Variants in GPHN observed in about 807,000 individuals in gnomAD.
GPHN encodes the protein gephyrin.
Under a neutral mutation model 95.5 loss-of-function variants are expected in GPHN, and 17 were observed. The observed-to-expected ratio is 0.18, with a 90% CI of 0.12 to 0.27. GPHN has a LOEUF of 0.27. GPHN is among the 10% of genes least tolerant of loss of function. The pLI is 1.00. For missense variants in GPHN, 660 were observed against 978.1 expected, an observed-to-expected ratio of 0.67 and a Z score of 4.34; for synonymous variants, 320 against 322.5, an observed-to-expected ratio of 0.99 and a Z score of 0.08.
chr14:66,681,609 G>T (rs1192619988), intron 2 of GPHN, among the ~76,000 whole-genome samples: 5 of 152,012 alleles, frequency 3.3e-5, no homozygotes, highest in Non-Finnish European at 7.4e-5. Flanking sequence ...ATTTGAATAT[G>T]TTAGATATAT....
intron 2 of GPHN, among the ~76,000 whole-genome samples, chr14:66,728,808 T>G (rs564020922): frequency 6.6e-6 from 1 of 152,310 alleles, no homozygotes; most frequent in Non-Finnish European, 1.5e-5. Context: ...TGAAGTGAGT[T>G]AAGACTTTGG....
chr14:66,653,587 T>G lies in GPHN; in HGVS notation c.65-27520T>G, dbSNP rs376963026. Reference sequence around the variant, plus strand: ...CCTATTTGTAAAATACCCACTTCCCTTTCCCCATCTCCCACCTGAACTCCT... The same window carrying G: ...CCTATTTGTAAAATACCCACTTCCCGTTCCCCATCTCCCACCTGAACTCCT... On this transcript the variant is annotated intron_variant, in intron 1 of 22. Transcript: ENST00000478722. Among the ~76,000 whole-genome samples the G allele has an allele frequency of 6.6e-4, 101 of 152,264 alleles. 1 individual carries two copies. Among genetic ancestry groups the G allele is most frequent in the East Asian group, 6.6e-3 (34 of 5,184 alleles).
chr14:66,942,452 A>G lies in GPHN; in HGVS notation c.828+18160A>G, dbSNP rs111620690. Among the ~76,000 whole-genome samples the G allele has an allele frequency of 8.0e-3, 1,214 of 152,348 alleles. 7 individuals are homozygous for G. The highest frequency in any genetic ancestry group is 0.014 in the Non-Finnish European group (922 of 68,032). ...ATTTGAGAGCACCTGTTAGAGTCCT[A>G]TAGGTGATTATAAACCATCTTTTGA... is the stretch of plus-strand genomic sequence containing the variant. On this transcript the variant is annotated intron_variant, in intron 8 of 22. Transcript: ENST00000478722.
At chr14:66,924,840 A>T (rs905625630) in intron 8 of GPHN, among the ~76,000 whole-genome samples, 2 of 152,056 alleles carry the variant, frequency 1.3e-5, no homozygotes, top group African/African-American at 4.8e-5. Context: ...ATATTTGTTT[A>T]TTCAGTCAGT....
chr14:66,532,704 A>G (rs1020555334), intron 1 of GPHN, among the ~76,000 whole-genome samples: 2 of 152,160 alleles, frequency 1.3e-5, no homozygotes, highest in African/African-American at 4.8e-5. Context: ...CAAACACAAG[A>G]TTGGGTCCTA....
At chr14:67,689,842 GC>G in the GPHN span, among the ~76,000 whole-genome samples, 5 of 152,200 alleles carry the variant, frequency 3.3e-5, no homozygotes, top group South Asian at 1.0e-3. Context: ...TACTCAGGAG[GC>G]TGAGGCAGGA....
chr14:67,502,679 C>T, the GPHN span, among the ~76,000 whole-genome samples: 3 of 151,890 alleles, frequency 2.0e-5, no homozygotes, highest in Non-Finnish European at 2.9e-5. Context: ...CTCAAACTCC[C>T]GACCTCAGGT....
intron 10 of GPHN, among the ~76,000 whole-genome samples, chr14:67,041,313 A>G (rs2074689873): frequency 6.6e-6 from 1 of 151,832 alleles, no homozygotes; most frequent in Non-Finnish European, 1.5e-5. Context: ...GGTTTGCTGC[A>G]CCCATTAACC....
At chr14:67,227,822 T>C in the GPHN span, 1 of 152,316 alleles carries the variant, frequency 6.6e-6, no homozygotes, top group Non-Finnish European at 1.5e-5. Flanking sequence ...ACATCCTGAA[T>C]GGACAGGTTT....
chr14:66,715,453 A>G (rs2070084992), intron 2 of GPHN, among the ~76,000 whole-genome samples: 1 of 151,378 alleles, frequency 6.6e-6, no homozygotes, highest in Non-Finnish European at 1.5e-5. Flanking sequence ...TATCTTTTGT[A>G]TTTTTTTGTT....
chr14:66,730,779 T>C (rs780781248), intron 2 of GPHN, among the ~76,000 whole-genome samples: 4 of 152,202 alleles, frequency 2.6e-5, no homozygotes, highest in Non-Finnish European at 5.9e-5. Flanking sequence ...ATACTACATA[T>C]TTTAAGTATC....
chr14:66,794,936 C>T (rs567849014), intron 3 of GPHN, among the ~76,000 whole-genome samples: 19 of 151,974 alleles, frequency 1.3e-4, no homozygotes, highest in Non-Finnish European at 2.5e-4. Context: ...TCTTTGAATT[C>T]AGTTAACTTC....
the GPHN span, chr14:67,557,269 G>A: frequency 1.2e-6 from 2 of 1,613,520 alleles, no homozygotes. Flanking sequence ...TACTTTTCAG[G>A]TGGGTGTCAT....
intron 6 of GPHN, among the ~76,000 whole-genome samples, chr14:66,921,071 G>C (rs2066190363): frequency 6.6e-6 from 1 of 152,154 alleles, no homozygotes; most frequent in African/African-American, 2.4e-5. Context: ...GTGTGCAAGT[G>C]TCTTTTTTGA....
intron 2 of GPHN, among the ~76,000 whole-genome samples, chr14:66,737,452 T>A (rs1178676062): frequency 6.6e-6 from 1 of 152,214 alleles, no homozygotes; most frequent in South Asian, 2.1e-4. Flanking sequence ...TTTTTTTCTT[T>A]TCATATTCTA....
chr14:67,557,925 A>G, the GPHN span, among the ~76,000 whole-genome samples: 1 of 152,190 alleles, frequency 6.6e-6, no homozygotes, highest in African/African-American at 2.4e-5. Flanking sequence ...ACAGAGCTGG[A>G]TGGTCAGTCG....
intron 2 of GPHN, among the ~76,000 whole-genome samples, chr14:66,688,799 C>G (rs1178848019): frequency 6.7e-6 from 1 of 149,926 alleles, no homozygotes; most frequent in Non-Finnish European, 1.5e-5. Context: ...TCATTATCAG[C>G]AAAATATCAC....
the GPHN span, chr14:67,691,072 C>A: frequency 1.0e-6 from 1 of 1,001,612 alleles, no homozygotes; most frequent in Non-Finnish European, 1.6e-6. Context: ...AAGCCTCAAT[C>A]TGACCCCTAA....
intron 1 of GPHN, among the ~76,000 whole-genome samples, chr14:66,596,800 C>T (rs1202346365): frequency 6.6e-6 from 1 of 152,140 alleles, no homozygotes; most frequent in Non-Finnish European, 1.5e-5. Flanking sequence ...GCCCGGGGGG[C>T]GGGGCTCCCA....
Sources: gnomAD v4.1 joint callset for allele counts (sites outside exome capture counted in the v4.1 genomes callset) on GRCh38, gnomAD v4.1.1 for gene constraint, MANE v1.5 for transcripts, NCBI Gene and HGNC (gene_info 2026-07-23, HGNC 2026-07-21) for gene names.